Variants in CTTNBP2NL observed in about 807,000 individuals in gnomAD.
The protein encoded by CTTNBP2NL is CTTNBP2 N-terminal like.
A neutral mutation model predicts 32.5 loss-of-function variants in CTTNBP2NL; 16 were observed. That is an observed-to-expected ratio of 0.49 (90% CI 0.33 to 0.75). The LOEUF (loss-of-function observed/expected upper bound fraction) is 0.75. Ranked by LOEUF, CTTNBP2NL falls within the 30% of genes least tolerant of loss-of-function variation. The pLI, the probability that CTTNBP2NL is intolerant of heterozygous loss-of-function variation, is 0.02. For missense variants in CTTNBP2NL, 645 were observed against 756.0 expected (o/e 0.85, Z 1.72); for synonymous variants, 298 against 289.4 (o/e 1.03, Z -0.30).
At chr1:112,392,296 A>G (rs1391004589), upstream of CTTNBP2NL, among the ~76,000 whole-genome samples, 1 of 152,184 alleles carries the variant, frequency 6.6e-6, no homozygotes, top group Admixed American at 6.5e-5. Flanking sequence ...ATCTCGTGGA[A>G]TTCTTTTAAG....
At chr1:112,451,667 GGCT>G (rs978378172) in intron 4 of CTTNBP2NL, among the ~76,000 whole-genome samples, 2 of 151,292 alleles carry the variant, frequency 1.3e-5, no homozygotes, top group Admixed American at 1.3e-4. Flanking sequence ...CTACTCGGGA[GGCT>G]GAGGCAGAAG....
chr1:112,443,305 C>A (rs4240533), intron 3 of CTTNBP2NL, among the ~76,000 whole-genome samples: 85 of 152,098 alleles, frequency 5.6e-4, no homozygotes, highest in African/African-American at 1.9e-3. Context: ...CCTTTCCCTC[C>A]CAGGTTCAAG....
At chr1:112,401,638 A>G (rs575832000) in intron 1 of CTTNBP2NL, among the ~76,000 whole-genome samples, 4 of 152,310 alleles carry the variant, frequency 2.6e-5, no homozygotes, top group Admixed American at 1.3e-4. Flanking sequence ...GATGATAGGA[A>G]CAACCAAAAC....
chr1:112,439,013 G>A (rs988641115), intron 3 of CTTNBP2NL, among the ~76,000 whole-genome samples: 4 of 152,126 alleles, frequency 2.6e-5, no homozygotes, highest in Admixed American at 2.6e-4. Context: ...TAACTAGCTA[G>A]CTACTTCTTT....
intron 3 of CTTNBP2NL, among the ~76,000 whole-genome samples, chr1:112,447,272 TAAAAAAAAAAAAAAA>T (rs35522134): frequency 1.4e-5 from 1 of 69,678 alleles, no homozygotes; most frequent in Non-Finnish European, 2.7e-5. Context: ...AGACTCCATC[TAAAAAAAAAAAAAAA>T]AAAAAAAAAA....
At chr1:112,446,194 G>C (rs1010952695) in intron 3 of CTTNBP2NL, among the ~76,000 whole-genome samples, 1 of 44,256 alleles carries the variant, frequency 2.3e-5, no homozygotes, top group Non-Finnish European at 4.2e-5. Context: ...GCCTAAAAAA[G>C]TGGAAAAAAA....
At chr1:112,446,976 G>T (rs1279033240) in intron 3 of CTTNBP2NL, among the ~76,000 whole-genome samples, 1 of 152,036 alleles carries the variant, frequency 6.6e-6, no homozygotes, top group Non-Finnish European at 1.5e-5. Flanking sequence ...ACTTGGAGCT[G>T]AAAAAAGTAG....
chr1:112,410,542 A>G (rs995658440), intron 1 of CTTNBP2NL, among the ~76,000 whole-genome samples: 1 of 152,222 alleles, frequency 6.6e-6, no homozygotes, highest in Admixed American at 6.5e-5. Flanking sequence ...AAAGCTTAAT[A>G]TAGCTATAGC....
chr1:112,443,671 A>G (rs374060723), intron 3 of CTTNBP2NL, among the ~76,000 whole-genome samples: 20 of 152,196 alleles, frequency 1.3e-4, no homozygotes, highest in Admixed American at 3.3e-4. Context: ...AAATCATGAC[A>G]ATTTTCTCTC....
chr1:112,432,066 ATTTTTTTTTTTTTT>A (rs11440212), intron 3 of CTTNBP2NL, among the ~76,000 whole-genome samples: 1 of 91,050 alleles, frequency 1.1e-5, no homozygotes, highest in Admixed American at 1.5e-4. Flanking sequence ...ATATATTTTG[ATTTTTTTTTTTTTT>A]TTTTTTTTTT....
At position 112,457,116 on chromosome 1, in the gene CTTNBP2NL, C is replaced by G. The variant is rs1650392384; in HGVS notation, c.1624C>G (p.Pro542Ala). ...DYRNLANTAN[P>A]RGDTSHSPTP... The stretch of plus-strand genomic sequence containing the variant: ...TCGAAATCTAGCCAACACTGCCAAT[C>G]CAAGAGGTGACACAAGCCATTCACC... Residue 542 changes from proline to alanine, a missense_variant, in exon 6 of 6, where the codon CCA becomes GCA. Pro to Ala is a conservative substitution (Grantham distance 27). Coordinates refer to ENST00000271277, the MANE Select transcript of CTTNBP2NL (RefSeq NM_018704.3). The G allele has an allele frequency of 1.9e-6, 3 of 1,614,192 alleles. No homozygotes were observed. Among genetic ancestry groups the G allele is most frequent in the Non-Finnish European group, 1.7e-6 (2 of 1,180,036 alleles).
In CTTNBP2NL at chr1:112,456,544, A is replaced by T. The variant is rs751165429; in HGVS notation, c.1052A>T (p.His351Leu). ...PAYSYAKTNG[H>L]CDPEIQTTRE... ...TACTCATATGCAAAAACCAATGGCC[A>T]TTGTGACCCAGAGATACAAACTACC... Residue 351 changes from histidine to leucine, a missense_variant, in exon 6 of 6, where the codon CAT becomes CTT. Coordinates refer to ENST00000271277, the MANE Select transcript of CTTNBP2NL (RefSeq NM_018704.3). The T allele has an allele frequency of 1.2e-6, 2 of 1,614,182 alleles. No homozygotes were observed. The highest frequency in any genetic ancestry group is 2.2e-5 in the South Asian group (2 of 91,082).
At chr1:112,412,718 G>A (rs1648916022) in intron 2 of CTTNBP2NL, among the ~76,000 whole-genome samples, 1 of 144,346 alleles carries the variant, frequency 6.9e-6, no homozygotes, top group Admixed American at 7.3e-5. Flanking sequence ...CCAGGTTCAA[G>A]CGATTCTCCT....
chr1:112,445,923 CCTA>C (rs1325458032), intron 3 of CTTNBP2NL, among the ~76,000 whole-genome samples: 1 of 152,112 alleles, frequency 6.6e-6, no homozygotes, highest in East Asian at 1.9e-4. Context: ...AGTCCCAGCT[CCTA>C]CTCCTCCATC....
At chr1:112,416,042 C>T in intron 2 of CTTNBP2NL, 115 bp from the exon 3 acceptor site, 1 of 642,926 alleles carries the variant, frequency 1.6e-6, no homozygotes. Flanking sequence ...TCAACTATTT[C>T]CTTTATTAAG....
At chr1:112,435,437 C>T (rs149355507) in intron 3 of CTTNBP2NL, among the ~76,000 whole-genome samples, 10 of 152,202 alleles carry the variant, frequency 6.6e-5, no homozygotes, top group African/African-American at 2.4e-4. Flanking sequence ...ATTTGTCATA[C>T]AGGAGAATGA....
intron 3 of CTTNBP2NL, among the ~76,000 whole-genome samples, chr1:112,423,619 CTG>C (rs1379829315): frequency 6.6e-6 from 1 of 151,736 alleles, no homozygotes; most frequent in Non-Finnish European, 1.5e-5. Flanking sequence ...ATTCTCTTAA[CTG>C]TATCTTAAGA....
At chr1:112,413,105 T>C (rs1367083669) in intron 2 of CTTNBP2NL, among the ~76,000 whole-genome samples, 1 of 152,242 alleles carries the variant, frequency 6.6e-6, no homozygotes, top group Non-Finnish European at 1.5e-5. Flanking sequence ...TTTTACTCTT[T>C]TATAAGGATG....
chr1:112,425,339 C>T (rs1055375025), intron 3 of CTTNBP2NL, among the ~76,000 whole-genome samples: 1 of 151,862 alleles, frequency 6.6e-6, no homozygotes, highest in Admixed American at 6.6e-5. Context: ...GGCGAGGTGG[C>T]ACACGCCTGT....
Sources: gnomAD v4.1 joint callset for allele counts (sites outside exome capture counted in the v4.1 genomes callset) on GRCh38, gnomAD v4.1.1 for gene constraint, MANE v1.5 for transcripts, NCBI Gene and HGNC (gene_info 2026-07-23, HGNC 2026-07-21) for gene names.